Variants in RP1L1 observed in about 807,000 individuals in gnomAD.
RP1L1 encodes RP1 like 1.
A neutral mutation model predicts 15.7 loss-of-function variants in RP1L1; 27 were observed. The observed-to-expected ratio is 1.72, with a 90% confidence interval of 1.27 to 2.38. The LOEUF (loss-of-function observed/expected upper bound fraction) is 2.38. Among genes scored for constraint, RP1L1 ranks in the 30% most tolerant of loss-of-function variants. The pLI is 0.00. For missense variants in RP1L1, 4,798 were observed against 3,075.9 expected (o/e 1.56, Z -13.24); for synonymous variants, 1,813 against 1,276.7 (o/e 1.42, Z -8.96).
In RP1L1 at chr8:10,608,705, C is replaced by T. The variant is rs761704314; in HGVS notation, c.5393G>A (p.Ser1798Asn). 12 of 1,614,120 alleles carry T rather than the reference C, an allele frequency of 7.4e-6. No individual in the cohort carries two copies. In the African/African-American group the frequency reaches 8.0e-5, roughly 11 times the overall value. Residue 1798 changes from serine to asparagine, a missense_variant, in exon 4 of 4, where the codon AGT (serine) becomes AAT (asparagine). Coordinates refer to ENST00000382483, the MANE Select transcript of RP1L1 (RefSeq NM_178857.6). ...TTGACCCCCAGTTTCTCCCCTTTCA[C>T]TTATGCCCTCTCCCTCCTGCTCAGC... ...GEAEQEGEGI[S>N]ERGETGGQGS... is the part of the protein sequence containing the mutation.
intron 1 of RP1L1, among the ~76,000 whole-genome samples, chr8:10,640,420 G>A (rs901409055): frequency 2.0e-5 from 3 of 152,140 alleles, no homozygotes; most frequent in Non-Finnish European, 2.9e-5. Context: ...AGCCCTCTGG[G>A]AGGCTGAGGA....
Position 10,612,180 on chromosome 8 carries a change from T to A in RP1L1, c.1918A>T (p.Arg640Trp), listed in dbSNP as rs1161597073. Residue 640 changes from arginine to tryptophan, a missense_variant, in exon 4 of 4, where the codon AGG (arginine) becomes TGG (tryptophan). Arg to Trp is a moderately radical substitution (Grantham distance 101). Transcript: ENST00000382483. ...ATTGCACTGGCCCGGCTTCTGTGCC[T>A]TCTCTGCCCCTGCTGGGATGAAGTG... is the stretch of plus-strand genomic sequence containing the variant. ...TCTSSQQGQR[R>W]HRSRASAMSS... The A allele has an allele frequency of 6.2e-7, 1 of 1,613,374 alleles. No individual in the cohort carries two copies. The highest frequency in any genetic ancestry group is 1.1e-5 in the South Asian group (1 of 91,084).
Position 10,607,853 on chromosome 8 carries a change from G to A in RP1L1, c.6245C>T (p.Ser2082Leu). The change falls in exon 4 of 4, where the codon TCA (serine) becomes TTA (leucine). Residue 2082 changes from serine to leucine, a missense_variant. Physicochemically the swap from Ser to Leu is moderately radical, Grantham distance 145. Coordinates refer to ENST00000382483, the MANE Select transcript of RP1L1 (RefSeq NM_178857.6). ...QEAEGEAHPE[S>L]EDVDAQEAEG... ...TGCCTCCTGGGCATCTACATCTTCT[G>A]ACTCTGGGTGGGCCTCCCCTTCTGC... The A allele has an allele frequency of 3.2e-6, 5 of 1,575,162 alleles. No homozygotes were observed. Among genetic ancestry groups the A allele is most frequent in the Non-Finnish European group, 4.3e-6 (5 of 1,160,404 alleles).
rs149651821 is a variant in RP1L1 at position 10,651,433 on chromosome 8, A to G, written c.-20+3465T>C. Among the ~76,000 whole-genome samples the G allele has an allele frequency of 8.2e-3, 1,249 of 152,292 alleles. 12 individuals carry two copies. Among genetic ancestry groups the G allele is most frequent in the Non-Finnish European group, 0.01 (714 of 68,030 alleles). ...TGATGCTAAACTAAAAAATAGAAAT[A>G]AAAGCTATGCTCGGGCCGGGCGCAG... is the stretch of plus-strand genomic sequence containing the variant. On this transcript the variant is annotated intron_variant, in intron 1 of 3. Transcript: ENST00000382483.
At chr8:10,650,681 C>T (rs1034048691) in intron 1 of RP1L1, among the ~76,000 whole-genome samples, 5 of 152,080 alleles carry the variant, frequency 3.3e-5, no homozygotes, top group African/African-American at 1.2e-4. Context: ...TCTGCCTCAG[C>T]CTCCCGAGTA....
chr8:10,631,149 G>A (rs1798234877), intron 1 of RP1L1, among the ~76,000 whole-genome samples: 1 of 152,046 alleles, frequency 6.6e-6, no homozygotes, highest in Admixed American at 6.6e-5. Context: ...CAACCAGCAG[G>A]ATATTTTAGA....
Position 10,623,218 on chromosome 8 carries a change from C to A in RP1L1, c.-17G>T. 6.5e-7 allele frequency: 1 copy of A among 1,533,726 alleles called. No individual in the cohort carries two copies. Among genetic ancestry groups the A allele is most frequent in the Non-Finnish European group, 8.8e-7 (1 of 1,142,810 alleles). ...GCTGTTCATGGTGTGGGGGCTCTGG[C>A]CGCTGTAACAGGGCAGAGGAAGAGG... On this transcript the variant is annotated splice_region_variant and 5_prime_UTR_variant, in exon 2 of 4. Transcript: ENST00000382483.
chr8:10,636,461 G>A (rs573054377), intron 1 of RP1L1, among the ~76,000 whole-genome samples: 1 of 152,124 alleles, frequency 6.6e-6, no homozygotes, highest in Non-Finnish European at 1.5e-5. Context: ...CTGCCCTGTG[G>A]GGCTGTAGTG....
At position 10,623,193 on chromosome 8, in the gene RP1L1, G is replaced by A. The variant is rs367930443; in HGVS notation, c.9C>T (p.Ser3=). MN[S]TPRNAQAPSH... is the part of the protein sequence containing the mutation. ...TCGGGGCCTGGGCATTCCTGGGGGT[G>A]CTGTTCATGGTGTGGGGGCTCTGGC... is the stretch of plus-strand genomic sequence containing the variant. Residue 3 remains serine, a synonymous_variant, in exon 2 of 4, where the codon AGC becomes AGT. Transcript: ENST00000382483. 56 of 1,561,520 alleles carry A rather than the reference G, an allele frequency of 3.6e-5. No individual in the cohort carries two copies. In the African/African-American group the frequency reaches 4.6e-4, roughly 13 times the overall value.
chr8:10,616,440 A>C lies in RP1L1; in HGVS notation c.751+6T>G, dbSNP rs780916998. On this transcript the variant is annotated splice_donor_region_variant and intron_variant, in intron 3 of 3. Coordinates refer to ENST00000382483, the MANE Select transcript of RP1L1 (RefSeq NM_178857.6). ...TCAGATGGGGGAAACCCAAAAACCA[A>C]CTCACCGTTTTTGTTTCTTGAAGTC... 2.5e-6 allele frequency: 4 copies of C among 1,614,018 alleles called. No individual in the cohort carries two copies. The highest frequency in any genetic ancestry group is 2.2e-5 in the South Asian group (2 of 91,066).
rs765247276 is a variant in RP1L1 at position 10,612,945 on chromosome 8, G to T, written c.1153C>A (p.Arg385=). The change falls in exon 4 of 4, where the codon CGG becomes AGG. Residue 385 remains arginine (R), a synonymous_variant. Transcript: ENST00000382483. ...TCCCTGCATCCCACCCTGCAGGGCC[G>T]GGGTCCCCACACCCCAGGCTCTGAG... ...GFSEPGVWGP[R]PCRVGCREVF... 1 of 1,612,920 alleles carries T rather than the reference G, an allele frequency of 6.2e-7. No homozygotes were observed.
chr8:10,608,106 C>G lies in RP1L1; in HGVS notation c.5992G>C (p.Glu1998Gln). 6.2e-7 allele frequency: 1 copy of G among 1,613,652 alleles called. No individual in the cohort carries two copies. The highest frequency in any genetic ancestry group is 8.5e-7 in the Non-Finnish European group (1 of 1,179,882). ...TCAGCCTCTGGGGCCTCTACATCTT[C>G]TGACTCTGGCTGGGCCTCCCCTTCT... ...EAEGEAQPES[E>Q]DVEAPEAEGE... Residue 1998 changes from glutamate to glutamine, a missense_variant, in exon 4 of 4, where the codon GAA becomes CAA. Glu to Gln is a conservative substitution (Grantham distance 29). Coordinates refer to ENST00000382483, the MANE Select transcript of RP1L1 (RefSeq NM_178857.6).
At position 10,611,141 on chromosome 8, in the gene RP1L1, C is replaced by T. The variant is rs1376409149; in HGVS notation, c.2957G>A (p.Gly986Asp). The T allele has an allele frequency of 4.3e-6, 7 of 1,612,830 alleles. No individual in the cohort carries two copies. The highest frequency in any genetic ancestry group is 5.9e-6 in the Non-Finnish European group (7 of 1,180,036). Residue 986 changes from glycine (G) to aspartate (D), a missense_variant, in exon 4 of 4, where the codon GGC (glycine) becomes GAC (aspartate). Gly to Asp is a moderately conservative substitution (Grantham distance 94). Transcript: ENST00000382483. Reference protein sequence around the residue: ...ADETTGAAGGGLRGPEVDPGD... With the variant: ...ADETTGAAGGDLRGPEVDPGD... Reference sequence around the variant, plus strand: ...AGGGTCCACCTCGGGGCCTCTCAGGCCACCCCCAGCTGCACCTGTGGTCTC... The same window carrying T: ...AGGGTCCACCTCGGGGCCTCTCAGGTCACCCCCAGCTGCACCTGTGGTCTC...
rs911340965 is a variant in RP1L1 at position 10,622,295 on chromosome 8, G to C, written c.609+298C>G. ...AGATCATGCCATTGTACTGCAGCCTGGGTGACAAAAGTTAAACTCCATCTC... is the reference window on the plus strand; with the variant it reads ...AGATCATGCCATTGTACTGCAGCCTCGGTGACAAAAGTTAAACTCCATCTC... On this transcript the variant is annotated intron_variant, in intron 2 of 3. Coordinates refer to ENST00000382483, the MANE Select transcript of RP1L1 (RefSeq NM_178857.6). Among the ~76,000 whole-genome samples the C allele has an allele frequency of 9.3e-5, 14 of 150,890 alleles. 1 individual carries two copies. The highest frequency in any genetic ancestry group is 3.3e-4 in the Admixed American group (5 of 15,122).
chr8:10,624,001 T>C (rs1269954654), intron 1 of RP1L1, among the ~76,000 whole-genome samples: 1 of 152,116 alleles, frequency 6.6e-6, no homozygotes, highest in Non-Finnish European at 1.5e-5. Flanking sequence ...GGCATCACCA[T>C]GTCCCCAGCA....
intron 2 of RP1L1, among the ~76,000 whole-genome samples, chr8:10,617,399 C>CAAAAAAAAAAAAAAA (rs369885056): frequency 4.8e-5 from 4 of 83,016 alleles, no homozygotes; most frequent in Non-Finnish European, 7.4e-5. Context: ...TGCTCATTAA[C>CAAAAAAAAAAAAAAA]AAAAAAAAAA....
chr8:10,618,095 T>C (rs957720492), intron 2 of RP1L1, among the ~76,000 whole-genome samples: 2 of 152,340 alleles, frequency 1.3e-5, no homozygotes, highest in East Asian at 3.9e-4. Flanking sequence ...GCATGTTCTT[T>C]TTCATTTTCC....
chr8:10,640,520 G>A (rs1440340129), intron 1 of RP1L1, among the ~76,000 whole-genome samples: 90 of 152,050 alleles, frequency 5.9e-4, no homozygotes, highest in Non-Finnish European at 2.9e-5. Flanking sequence ...GGGCATGGTG[G>A]TGGGTGCCTG....
At chr8:10,613,913 C>T (rs1170382307) in intron 3 of RP1L1, among the ~76,000 whole-genome samples, 4 of 152,254 alleles carry the variant, frequency 2.6e-5, no homozygotes, top group African/African-American at 7.2e-5. Flanking sequence ...TCAATCTCAA[C>T]TCTGCTGCTT....
Sources: allele counts gnomAD v4.1 joint callset (sites outside exome capture counted in the v4.1 genomes callset), GRCh38; gene constraint gnomAD v4.1.1; transcripts MANE v1.5; gene names NCBI Gene and HGNC (gene_info 2026-07-23, HGNC 2026-07-21).